The following WRAP73 variants were observed in gnomAD, a reference collection of about 807,000 sequenced individuals.
The protein encoded by WRAP73 is WD repeat containing, antisense to TP73, also known as WD repeat-containing protein WRAP73.
A neutral mutation model predicts 59.6 loss-of-function variants in WRAP73; 55 were observed. That is an observed-to-expected ratio of 0.92 (90% confidence interval 0.74 to 1.15). The LOEUF is 1.15. Ranked by LOEUF, WRAP73 falls within the 50% of genes most tolerant of loss-of-function variation. WRAP73 has a pLI of 0.00. For synonymous variants in WRAP73, 265 were observed against 258.2 expected, an observed-to-expected ratio of 1.03 and a Z score of -0.25; for missense variants, 592 against 608.1, an observed-to-expected ratio of 0.97 and a Z score of 0.28.
rs1485259944 is a variant in WRAP73 at position 3,646,564 on chromosome 1, A to G, written c.339+102T>C. On this transcript the variant is annotated intron_variant, in intron 3 of 11. Coordinates refer to ENST00000270708, the MANE Select transcript of WRAP73 (RefSeq NM_017818.4). The surrounding 1 kb of genome is among the most constrained non-coding windows in gnomAD (Gnocchi z 5.1). ...ATGCATCCCCTGAGGATAAGGGGAG[A>G]CTAGCATACTCCAAACACACCCCCT... is the stretch of plus-strand genomic sequence containing the variant. The G allele has an allele frequency of 1.2e-6, 1 of 866,442 alleles. No homozygotes were observed. Among genetic ancestry groups the G allele is most frequent in the African/African-American group, 1.7e-5 (1 of 59,124 alleles). The allele number at this position is 866,442 out of a possible 1,614,324, so 53.7% of individuals were successfully genotyped here. A position where few individuals can be genotyped will look rare whatever the true frequency, so the allele number is the denominator to read the frequency against.
chr1:3,641,892 C>T (rs1248898084), intron 3 of WRAP73, among the ~76,000 whole-genome samples: 1 of 152,074 alleles, frequency 6.6e-6, no homozygotes, highest in Non-Finnish European at 1.5e-5. Flanking sequence ...AAATCCTAAC[C>T]AAGAGAAAGG....
chr1:3,632,140 T>C lies in WRAP73; in HGVS notation c.1048+73A>G, dbSNP rs1002217043. The C allele has an allele frequency of 2.1e-5, 32 of 1,526,324 alleles. No individual in the cohort carries two copies. In the East Asian group the frequency reaches 7.0e-4, roughly 34 times the overall value. The allele number at this position is 1,526,324 out of a possible 1,614,324, so 94.5% of individuals were successfully genotyped here. ...GGAAACCCCCAACTTCATTTTCTTTTCCAGTCGCTTCTACACCTGGGGCCA... is the reference window on the plus strand; with the variant it reads ...GGAAACCCCCAACTTCATTTTCTTTCCCAGTCGCTTCTACACCTGGGGCCA... On this transcript the variant is annotated intron_variant, in intron 10 of 11. Transcript: ENST00000270708.
At chr1:3,633,283 T>G in intron 9 of WRAP73, 115 bp downstream of exon 9, 4 of 967,290 alleles carry the variant, frequency 4.1e-6, no homozygotes, top group Non-Finnish European at 6.5e-6. Context: ...GCTGGAAGCA[T>G]GGAAGGGAAA....
intron 4 of WRAP73, 50 bp downstream of exon 4, chr1:3,638,700 A>T: frequency 6.2e-7 from 1 of 1,608,382 alleles, no homozygotes; most frequent in South Asian, 1.1e-5. Context: ...GTGACAAAAA[A>T]GTCAAACAGC....
rs757588641 is a variant in WRAP73, at chr1:3,649,972, A to G, written c.28T>C (p.Ser10Pro). 1 of 1,603,580 alleles carries G rather than the reference A, an allele frequency of 6.2e-7. No individual in the cohort carries two copies. Among genetic ancestry groups the G allele is most frequent in the East Asian group, 2.3e-5 (1 of 44,014 alleles). Residue 10 changes from serine (S) to proline (P), a missense_variant, in exon 1 of 12, where the codon TCC (serine) becomes CCC (proline). By Grantham distance (74) the Ser-to-Pro change is moderately conservative. Transcript: ENST00000270708. Reference sequence around the variant, plus strand: ...GGGGAGAACTTGCAGAGTAAGCTGGAGAGCTTGAATACCTCGGAGAAGTTC... The same window carrying G: ...GGGGAGAACTTGCAGAGTAAGCTGGGGAGCTTGAATACCTCGGAGAAGTTC... Reference protein sequence around the residue: MNFSEVFKLSSLLCKFSPDG... With the variant: MNFSEVFKLPSLLCKFSPDG...
At chr1:3,633,366 G>C (rs1389471379) in intron 9 of WRAP73, 32 bp downstream of exon 9, 1 of 1,576,748 alleles carries the variant, frequency 6.3e-7, no homozygotes, top group Non-Finnish European at 8.7e-7. Context: ...CATTAAAAAA[G>C]GAAAACAAAT....
At position 3,650,052 on chromosome 1, in the gene WRAP73, T is replaced by G. The variant is rs901369080; in HGVS notation, c.-53A>C. The G allele has an allele frequency of 6.7e-6, 10 of 1,500,782 alleles. No homozygotes were observed. The highest frequency in any genetic ancestry group is 7.2e-6 in the Non-Finnish European group (8 of 1,118,332). 93.0% of individuals were successfully genotyped at this position (1,500,782 alleles called of 1,614,324 possible). A position where few individuals can be genotyped will look rare whatever the true frequency, so the allele number is the denominator to read the frequency against. On this transcript the variant is annotated 5_prime_UTR_variant, in exon 1 of 12. Transcript: ENST00000270708. The stretch of plus-strand genomic sequence containing the variant: ...TGCGCCCGAAAACCCGCGGGACCCC[T>G]GGGCGCGCAGCAGGCTGCAACAGCC...
intron 8 of WRAP73, 39 bp downstream of exon 8, chr1:3,634,958 A>C: frequency 6.2e-7 from 1 of 1,610,598 alleles, no homozygotes; most frequent in Non-Finnish European, 8.5e-7. Flanking sequence ...CGCCCTCCCC[A>C]ACAGCCTGCT....
In WRAP73 at chr1:3,639,412, G is replaced by T. The variant is rs1405415050; in HGVS notation, c.340-590C>A. On this transcript the variant is annotated intron_variant, in intron 3 of 11. Transcript: ENST00000270708. The surrounding 1 kb of genome is among the most constrained non-coding windows in gnomAD (Gnocchi z 4.3). Reference sequence around the variant, plus strand: ...TTTCCACCCCTTTCCCTGACTCAGGGAGCTGAGAGCTGACTAGGCTGGCAC... The same window carrying T: ...TTTCCACCCCTTTCCCTGACTCAGGTAGCTGAGAGCTGACTAGGCTGGCAC... 1 of 152,726 alleles carries T rather than the reference G, an allele frequency of 6.5e-6. No individual in the cohort carries two copies. Among genetic ancestry groups the T allele is most frequent in the Non-Finnish European group, 1.5e-5 (1 of 68,422 alleles). 9.5% of individuals were successfully genotyped at this position (152,726 alleles called of 1,614,324 possible).
At chr1:3,649,258 T>G (rs912552496) in intron 1 of WRAP73, among the ~76,000 whole-genome samples, 10 of 152,190 alleles carry the variant, frequency 6.6e-5, no homozygotes, top group African/African-American at 2.2e-4. Context: ...CTGCCACCCA[T>G]GGAACGAAGA....
chr1:3,637,338 C>A lies in WRAP73; in HGVS notation c.413-240G>T, dbSNP rs78983763. ...TGTGCTGGGGGAAGCTGTACACACA[C>A]AGGAGCCGGTTTGCAAGGCTCTGTC... On this transcript the variant is annotated intron_variant, in intron 4 of 11. Transcript: ENST00000270708. Among the ~76,000 whole-genome samples the A allele has an allele frequency of 1.3e-4, 20 of 152,316 alleles. No individual in the cohort carries two copies. In the East Asian group the frequency reaches 3.7e-3, roughly 28 times the overall value.
In WRAP73 at chr1:3,631,573, G is replaced by A. The variant is rs141183652; in HGVS notation, c.1133C>T (p.Ala378Val). 86 of 1,610,016 alleles carry A rather than the reference G, an allele frequency of 5.3e-5. No homozygotes were observed. In the African/African-American group the frequency reaches 7.9e-4, roughly 15 times the overall value. ...CGGCTGCTGCGGGTCCCACTGAAATGCGCGCACTGGGGACAGCTGCTCGAG... is the reference window on the plus strand; with the variant it reads ...CGGCTGCTGCGGGTCCCACTGAAATACGCGCACTGGGGACAGCTGCTCGAG... ...AVLEQLSPVR[A>V]FQWDPQQPRL... The change falls in exon 11 of 12, where the codon GCA becomes GTA. Residue 378 changes from alanine (A) to valine (V), a missense_variant. Transcript: ENST00000270708.
At chr1:3,634,545 G>A (rs1006828067) in intron 8 of WRAP73, 11 of 193,378 alleles carry the variant, frequency 5.7e-5, no homozygotes, top group South Asian at 4.9e-4. Context: ...CTGCCACCCC[G>A]TGGAGACACC....
At chr1:3,633,272 G>A (rs1644556306) in intron 9 of WRAP73, 126 bp downstream of exon 9, 4 of 886,112 alleles carry the variant, frequency 4.5e-6, no homozygotes. Context: ...GGGGCACACT[G>A]GCTGGAAGCA....
At chr1:3,649,864 G>C in intron 1 of WRAP73, 67 bp downstream of exon 1, 2 of 1,525,526 alleles carry the variant, frequency 1.3e-6, no homozygotes, top group African/African-American at 1.4e-5. Context: ...GGCCGCCCCC[G>C]GCCCTGCCCG....
Position 3,646,758 on chromosome 1 carries a change from A to G in WRAP73, c.247T>C (p.Trp83Arg), listed in dbSNP as rs1336926302. 1 of 1,612,720 alleles carries G rather than the reference A, an allele frequency of 6.2e-7. No homozygotes were observed. Among genetic ancestry groups the G allele is most frequent in the Non-Finnish European group, 8.5e-7 (1 of 1,179,316 alleles). Residue 83 changes from tryptophan (W) to arginine (R), a missense_variant, in exon 3 of 12, where the codon TGG becomes CGG. Physicochemically the swap from Trp to Arg is moderately radical, Grantham distance 101 (BLOSUM62 -3). Coordinates refer to ENST00000270708, the MANE Select transcript of WRAP73 (RefSeq NM_017818.4). The surrounding 1 kb of genome is among the most constrained non-coding windows in gnomAD (Gnocchi z 5.1). Reference sequence around the variant, plus strand: ...GAGCCCTCGTCTATTTTGCAGTGCCATTCGGGCTGCTCTAAAGACCAGACC... The same window carrying G: ...GAGCCCTCGTCTATTTTGCAGTGCCGTTCGGGCTGCTCTAAAGACCAGACC... ...VQVWSLEQPEWHCKIDEGSAG... is the reference protein window; with the variant it reads ...VQVWSLEQPERHCKIDEGSAG...
At position 3,638,273 on chromosome 1, in the gene WRAP73, G is replaced by T. The variant is rs567035069; in HGVS notation, c.412+477C>A. On this transcript the variant is annotated intron_variant, in intron 4 of 11. Transcript: ENST00000270708. ...CCCCTTTCTTCCAGATGGCTCACAG[G>T]CTTCCACAAGGAAGGGACACTGGTC... 1.7e-3 allele frequency among the ~76,000 whole-genome samples: 253 copies of T among 152,354 alleles called. 1 individual carries two copies. Among genetic ancestry groups the T allele is most frequent in the Middle Eastern group, 0.01 (3 of 294 alleles).
chr1:3,638,400 T>C (rs1019942856), intron 4 of WRAP73, among the ~76,000 whole-genome samples: 1 of 152,218 alleles, frequency 6.6e-6, no homozygotes, highest in African/African-American at 2.4e-5. Flanking sequence ...ACTGGATGCC[T>C]GAGGTGGGCC....
intron 3 of WRAP73, among the ~76,000 whole-genome samples, chr1:3,642,431 T>C (rs1033791213): frequency 1.3e-5 from 2 of 152,150 alleles, no homozygotes; most frequent in African/African-American, 4.8e-5. Context: ...CTGGTGAAGA[T>C]AGCCTTCTAA....
Sources: allele counts gnomAD v4.1 joint callset (sites outside exome capture counted in the v4.1 genomes callset), GRCh38; gene constraint gnomAD v4.1.1; non-coding constraint Gnocchi (gnomAD v3.1); transcripts MANE v1.5; gene names NCBI Gene and HGNC (gene_info 2026-07-23, HGNC 2026-07-21).